The following ESR1 variants were observed in gnomAD, a reference collection of about 807,000 sequenced individuals.
ESR1 encodes the protein estrogen receptor 1.
A neutral mutation model predicts 52.7 loss-of-function variants in ESR1; 12 were observed. The observed-to-expected ratio is 0.23, with a 90% confidence interval of 0.15 to 0.37. The LOEUF is 0.37. Ranked by LOEUF, ESR1 falls within the 10% of genes least tolerant of loss-of-function variation. The pLI is 1.00. For synonymous variants in ESR1, 305 were observed against 316.8 expected (o/e 0.96, Z 0.39); for missense variants, 584 against 779.7 (o/e 0.75, Z 2.99).
intron 5 of ESR1, among the ~76,000 whole-genome samples, chr6:152,044,975 G>A (rs937068217): frequency 2.6e-5 from 4 of 152,184 alleles, no homozygotes; most frequent in Admixed American, 6.5e-5. Flanking sequence ...ACTCATTGCT[G>A]TTATCTGAGA....
chr6:151,827,429 A>T (rs1258803906), intron 1 of ESR1, among the ~76,000 whole-genome samples: 1 of 151,958 alleles, frequency 6.6e-6, no homozygotes, highest in African/African-American at 2.4e-5. Context: ...CAGAGTCCTC[A>T]GGACTCTGGC....
At chr6:151,732,154 A>G (rs1212210330) in intron 2 of ESR1, among the ~76,000 whole-genome samples, 2 of 152,228 alleles carry the variant, frequency 1.3e-5, no homozygotes, top group Admixed American at 6.5e-5. Context: ...TAAGAAAGCC[A>G]TGCTTCTTTT....
chr6:151,736,482 C>T (rs1272966040), intron 2 of ESR1, among the ~76,000 whole-genome samples: 1 of 150,526 alleles, frequency 6.6e-6, no homozygotes, highest in Non-Finnish European at 1.5e-5. Flanking sequence ...AAGCAATTCT[C>T]CTGCCTCAGC....
At chr6:151,961,061 A>C (rs758635989) in intron 4 of ESR1, among the ~76,000 whole-genome samples, 79 of 152,318 alleles carry the variant, frequency 5.2e-4, no homozygotes, top group Non-Finnish European at 1.0e-3. Flanking sequence ...AGTGTTGGCT[A>C]TGTTGAATTT....
chr6:151,863,257 G>C (rs1422402932), intron 2 of ESR1, among the ~76,000 whole-genome samples: 1 of 152,124 alleles, frequency 6.6e-6, no homozygotes, highest in African/African-American at 2.4e-5. Context: ...TCACGATATT[G>C]ATTCTTCCTA....
chr6:151,826,658 G>A (rs565838684), intron 1 of ESR1, among the ~76,000 whole-genome samples: 8 of 152,200 alleles, frequency 5.3e-5, no homozygotes, highest in East Asian at 3.9e-4. Context: ...CTTGTCTCCC[G>A]TGCTCTTACC....
Position 152,099,039 on chromosome 6 carries a change from A to G in ESR1, c.*73A>G. On this transcript the variant is annotated 3_prime_UTR_variant, in exon 8 of 8. Coordinates refer to ENST00000206249, the MANE Select transcript of ESR1 (RefSeq NM_000125.4). ...CCCTCATCATGCACCACTTTAGCCA[A>G]ATTCTGTCTCCTGCATACACTCCGG... The G allele has an allele frequency of 8.0e-7, 1 of 1,249,102 alleles. No individual in the cohort carries two copies. The highest frequency in any genetic ancestry group is 1.2e-6 in the Non-Finnish European group (1 of 863,914). The allele number at this position is 1,249,102 out of a possible 1,614,324, so 77.4% of individuals were successfully genotyped here.
At chr6:151,677,780 T>C (rs939585391) in intron 1 of ESR1, among the ~76,000 whole-genome samples, 7 of 152,176 alleles carry the variant, frequency 4.6e-5, no homozygotes, top group South Asian at 2.1e-4. Context: ...TTGTCAATAA[T>C]AGAGTCGCCC....
intron 1 of ESR1, among the ~76,000 whole-genome samples, chr6:151,673,312 G>T (rs977532897): frequency 1.3e-5 from 2 of 152,088 alleles, no homozygotes; most frequent in Non-Finnish European, 2.9e-5. Flanking sequence ...CTTCTAAATA[G>T]TTTTTGCCTT....
rs9340909 is a variant in ESR1 at position 151,950,871 on chromosome 6, A to C, written c.1096+6363A>C. On this transcript the variant is annotated intron_variant, in intron 4 of 7. Transcript: ENST00000206249. ...TGGGAGCCCTAGGAAATTAATACAAAGTGTATTAAAAATAGAATTTTCTTC... is the reference window on the plus strand; with the variant it reads ...TGGGAGCCCTAGGAAATTAATACAACGTGTATTAAAAATAGAATTTTCTTC... Among the ~76,000 whole-genome samples the C allele has an allele frequency of 2.5e-4, 38 of 152,096 alleles. No individual in the cohort carries two copies. In the East Asian group the frequency reaches 6.4e-3, roughly 25 times the overall value.
At chr6:152,064,186 A>C (rs2047779905) in intron 6 of ESR1, among the ~76,000 whole-genome samples, 1 of 152,252 alleles carries the variant, frequency 6.6e-6, no homozygotes, top group Non-Finnish European at 1.5e-5. Context: ...TGCCAACTTC[A>C]AGACATTCTG....
chr6:151,984,368 A>G (rs543573173), intron 4 of ESR1, among the ~76,000 whole-genome samples: 81 of 152,120 alleles, frequency 5.3e-4, no homozygotes, highest in Non-Finnish European at 8.5e-4. Flanking sequence ...TGGCCATTTA[A>G]ACGCAACTAT....
intron 1 of ESR1, among the ~76,000 whole-genome samples, chr6:151,837,322 A>G (rs1783520248): frequency 6.7e-6 from 1 of 148,912 alleles, no homozygotes. Flanking sequence ...CTGGTCTTGA[A>G]CTCCTGACCT....
chr6:151,897,196 A>G (rs966975856), intron 3 of ESR1, among the ~76,000 whole-genome samples: 4 of 152,192 alleles, frequency 2.6e-5, no homozygotes, highest in African/African-American at 9.7e-5. Flanking sequence ...TGTTAAGTCC[A>G]TTTGTTCCAG....
intron 2 of ESR1, among the ~76,000 whole-genome samples, chr6:151,762,118 G>T (rs1287766388): frequency 1.3e-5 from 2 of 152,144 alleles, no homozygotes; most frequent in African/African-American, 4.8e-5. Context: ...TGCTTCCATT[G>T]AGCAGCTAAG....
rs141999251 is a variant in ESR1 at position 151,934,471 on chromosome 6, A to T, written c.761-9702A>T. The stretch of plus-strand genomic sequence containing the variant: ...TAAAATAAAATTAAAATTGATTCAA[A>T]GTGTATGAGCATGTGTACATTTTAC... On this transcript the variant is annotated intron_variant, in intron 3 of 7. Coordinates refer to ENST00000206249, the MANE Select transcript of ESR1 (RefSeq NM_000125.4). Among the ~76,000 whole-genome samples the T allele has an allele frequency of 3.6e-3, 547 of 152,362 alleles. 4 individuals are homozygous for T. Among genetic ancestry groups the T allele is most frequent in the African/African-American group, 0.013 (521 of 41,592 alleles).
At chr6:151,799,510 T>C (rs1777022870), upstream of ESR1, among the ~76,000 whole-genome samples, 1 of 152,188 alleles carries the variant, frequency 6.6e-6, no homozygotes, top group South Asian at 2.1e-4. Context: ...AGTTTACAAG[T>C]TCATTGTTCA....
rs530931254 is a variant in ESR1 at position 151,954,540 on chromosome 6, C to T, written c.1096+10032C>T. Among the ~76,000 whole-genome samples, 188 of 152,330 alleles carry T rather than the reference C, an allele frequency of 1.2e-3. 2 individuals are homozygous for T. The highest frequency in any genetic ancestry group is 5.8e-3 in the Admixed American group (88 of 15,302). ...ATTCATTATGTGACTTTCATAAATA[C>T]AAACCCCAATAAAACGGTGGGCAGT... On this transcript the variant is annotated intron_variant, in intron 4 of 7. Coordinates refer to ENST00000206249, the MANE Select transcript of ESR1 (RefSeq NM_000125.4).
intron 5 of ESR1, among the ~76,000 whole-genome samples, chr6:152,013,202 C>T (rs2042917467): frequency 1.3e-5 from 2 of 151,948 alleles, no homozygotes; most frequent in South Asian, 4.2e-4. Flanking sequence ...TCCATTTTTT[C>T]CTATCTCATT....
Sources: allele counts gnomAD v4.1 joint callset (sites outside exome capture counted in the v4.1 genomes callset), GRCh38; gene constraint gnomAD v4.1.1; transcripts MANE v1.5; gene names NCBI Gene and HGNC (gene_info 2026-07-23, HGNC 2026-07-21).